NUTM2D: variants seen among roughly 807,000 people sequenced by gnomAD.
The protein encoded by NUTM2D is NUT family member 2A pseudogene.
Under a neutral mutation model 43.5 loss-of-function variants are expected in NUTM2D, and 2 were observed. The observed-to-expected ratio is 0.05, with a 90% CI of 0.02 to 0.14. The LOEUF (loss-of-function observed/expected upper bound fraction) is 0.14, where lower values mean the gene tolerates loss of function less well. Ranked by LOEUF, NUTM2D falls within the 10% of genes least tolerant of loss-of-function variation. The pLI, the probability that NUTM2D is intolerant of heterozygous loss-of-function variation, is 1.00. For synonymous variants in NUTM2D, 24 were observed against 276.6 expected (o/e 0.09, Z 9.06); for missense variants, 48 against 668.7 (o/e 0.07, Z 10.24).
chr10:87,358,564 A>G (rs2131727324), intron 1 of NUTM2D, 133 bp downstream of exon 1: 1 of 1,479,858 alleles, frequency 6.8e-7, no homozygotes, highest in Admixed American at 1.7e-5. Flanking sequence ...GATGTCCCCA[A>G]GGACATCACA....
At chr10:87,359,929 G>A (rs1245698349) in intron 1 of NUTM2D, among the ~76,000 whole-genome samples, 2 of 152,248 alleles carry the variant, frequency 1.3e-5, no homozygotes, top group Admixed American at 6.5e-5. Flanking sequence ...TTCCTAGGGC[G>A]CTGGCTTGGG....
At chr10:87,359,670 TCGC>T (rs1850245685) in intron 1 of NUTM2D, among the ~76,000 whole-genome samples, 1 of 136,956 alleles carries the variant, frequency 7.3e-6, no homozygotes, top group Non-Finnish European at 1.6e-5. Flanking sequence ...GCTCTGCTGC[TCGC>T]CATTTGCTGG....
chr10:87,359,878 A>G (rs1850247852), intron 1 of NUTM2D, among the ~76,000 whole-genome samples: 1 of 152,262 alleles, frequency 6.6e-6, no homozygotes, highest in African/African-American at 2.4e-5. Flanking sequence ...CAGGACAATC[A>G]CTTGCATGCT....
chr10:87,369,551 C>G (rs1215299690), downstream of NUTM2D: 1 of 152,120 alleles, frequency 6.6e-6, no homozygotes, highest in Admixed American at 6.6e-5. Context: ...GGAAACCGTG[C>G]ATCAGAGCCA....
rs193265057 is a variant in NUTM2D, at chr10:87,360,768, T to C, written c.454T>C (p.Leu152=). Residue 152 remains leucine, a synonymous_variant, in exon 2 of 7, where the codon TTA becomes CTA. Transcript: ENST00000381697. The part of the protein sequence containing the change: ...VKAAQAQTLV[L]TQTPLVWQAP... ...GGCCGCTCAGGCGCAGACCTTGGTC[T>C]TAACTCAGACCCCCCTCGTCTGGCA... 3.6e-4 allele frequency: 202 copies of C among 566,670 alleles called. 97 individuals are homozygous for C. Among genetic ancestry groups the C allele is most frequent in the Middle Eastern group, 2.4e-3 (4 of 1,692 alleles). 35.1% of individuals were successfully genotyped at this position (566,670 alleles called of 1,614,324 possible). A position where few individuals can be genotyped will look rare whatever the true frequency, so the allele number is the denominator to read the frequency against.
At chr10:87,367,363 C>T (rs762668052), downstream of NUTM2D, 7 of 1,606,998 alleles carry the variant, frequency 4.4e-6, no homozygotes, top group Non-Finnish European at 5.1e-6. Flanking sequence ...CAGGGACTGA[C>T]AGATGCTGAG....
At chr10:87,369,791 C>G (rs1424685676), downstream of NUTM2D, 1 of 151,314 alleles carries the variant, frequency 6.6e-6, no homozygotes, top group Non-Finnish European at 1.5e-5. Context: ...ACCCAGGTCA[C>G]TCTCTGGGAA....
chr10:87,370,260 A>G (rs541524349), downstream of NUTM2D: 11 of 152,280 alleles, frequency 7.2e-5, no homozygotes, highest in African/African-American at 2.2e-4. Context: ...CACTTCTAAG[A>G]ACATTTGTGT....
At chr10:87,365,400 GTC>G (rs1363720182) in intron 5 of NUTM2D, among the ~76,000 whole-genome samples, 197 bp downstream of exon 5, 12 of 149,852 alleles carry the variant, frequency 8.0e-5, no homozygotes, top group Admixed American at 7.3e-4. Context: ...GTCTTTGTGT[GTC>G]TGTGTGGGTG....
At position 87,360,675 on chromosome 10, in the gene NUTM2D, T is replaced by TG. The variant is rs1404911534; in HGVS notation, c.362dup (p.Cys121TrpfsTer78). The TG allele has an allele frequency of 2.5e-5, 13 of 515,330 alleles. 6 individuals carry two copies. Among genetic ancestry groups the TG allele is most frequent in the Non-Finnish European group, 3.3e-5 (13 of 390,570 alleles). 31.9% of individuals were successfully genotyped at this position (515,330 alleles called of 1,614,324 possible). ...ACCTCTGGTGACAGAACAGGATGGC[T>TG]GCGGCCCGAGTGGGGCCGGGGCTTC... On this transcript the variant is annotated frameshift_variant, in exon 2 of 7. Transcript: ENST00000381697. LOFTEE classifies it high-confidence loss of function.
chr10:87,369,689 G>T (rs574356778), downstream of NUTM2D: 1 of 151,364 alleles, frequency 6.6e-6, no homozygotes, highest in Admixed American at 6.6e-5. Flanking sequence ...TGATGTCATC[G>T]CATCCACACT....
Position 87,361,600 on chromosome 10 carries a change from A to T in NUTM2D, c.866+420A>T, listed in dbSNP as rs1850263034. ...GGAAGGAGCTGCAGGGCCCAGCAGG[A>T]ACCTGGCACATGCCCGCAGTTCCGC... is the stretch of plus-strand genomic sequence containing the variant. On this transcript the variant is annotated intron_variant, in intron 2 of 6. Transcript: ENST00000381697. Among the ~76,000 whole-genome samples, 2 of 52,856 alleles carry T rather than the reference A, an allele frequency of 3.8e-5. 1 individual carries two copies. Among genetic ancestry groups the T allele is most frequent in the Admixed American group, 4.9e-4 (2 of 4,084 alleles). The allele number at this position is 52,856 out of a possible 152,430, so 34.7% of individuals were successfully genotyped here.
At chr10:87,370,678 A>T (rs1454112449), downstream of NUTM2D, 1 of 152,206 alleles carries the variant, frequency 6.6e-6, no homozygotes, top group African/African-American at 2.4e-5. Context: ...TATATTCCAG[A>T]TAAAAATGCT....
chr10:87,358,348 G>T lies in NUTM2D; in HGVS notation c.83G>T (p.Gly28Val). The T allele has an allele frequency of 6.2e-7, 1 of 1,613,828 alleles. No homozygotes were observed. ...GASGEPGHSL[G>V]LTLGFSHCGN... is the part of the protein sequence containing the mutation. ...TCTGGTGAGCCAGGTCACTCTCTGG[G>T]TCTTACCCTTGGCTTTTCTCATTGT... Residue 28 changes from glycine to valine, a missense_variant, in exon 1 of 7, where the codon GGT becomes GTT. Coordinates refer to ENST00000381697, the MANE Select transcript of NUTM2D (RefSeq NM_001382304.1).
At chr10:87,369,735 G>A (rs1448702441), downstream of NUTM2D, 2 of 149,744 alleles carry the variant, frequency 1.3e-5, no homozygotes, top group African/African-American at 2.5e-5. Context: ...AGCAGGTGCT[G>A]GGGGTGTGCT....
At position 87,358,412 on chromosome 10, in the gene NUTM2D, G is replaced by A. The variant is rs1850237976; in HGVS notation, c.147G>A (p.Glu49=). ...CAGCGGTAGTCAGTGCCCAGCCTGAGGGGATGGCTTCAAATGGAGGTAAGC... is the reference window on the plus strand; with the variant it reads ...CAGCGGTAGTCAGTGCCCAGCCTGAAGGGATGGCTTCAAATGGAGGTAAGC... The part of the protein sequence containing the change: ...CQTAVVSAQP[E]GMASNGAYPA... Residue 49 remains glutamate (E), a synonymous_variant, in exon 1 of 7, where the codon GAG becomes GAA. Transcript: ENST00000381697. 1.9e-6 allele frequency: 3 copies of A among 1,614,034 alleles called. No individual in the cohort carries two copies. The highest frequency in any genetic ancestry group is 1.7e-5 in the Admixed American group (1 of 60,034).
At chr10:87,369,355 G>C (rs558240138), downstream of NUTM2D, 4 of 152,142 alleles carry the variant, frequency 2.6e-5, no homozygotes, top group East Asian at 5.8e-4. Flanking sequence ...GCCAGAGAGA[G>C]AGCCCTCACC....
rs1434817953 is a variant in NUTM2D, at chr10:87,365,202, A to G, written c.1517A>G (p.Lys506Arg). The change falls in exon 5 of 7, where the codon AAG (lysine) becomes AGG (arginine). Residue 506 changes from lysine to arginine, a missense_variant and splice_region_variant. Transcript: ENST00000381697. The stretch of plus-strand genomic sequence containing the variant: ...TGTTCCCAGAAAGACTTCGTCACCA[A>G]GGTGGGCTGGCCTGGAGTGCTGGGG... ...KLCSQKDFVT[K>R]VEAVIHPQFL... 2 of 1,469,056 alleles carry G rather than the reference A, an allele frequency of 1.4e-6. No homozygotes were observed. Among genetic ancestry groups the G allele is most frequent in the Non-Finnish European group, 1.8e-6 (2 of 1,090,838 alleles). 91.0% of individuals were successfully genotyped at this position (1,469,056 alleles called of 1,614,324 possible).
At position 87,361,323 on chromosome 10, in the gene NUTM2D, A is replaced by G. The variant is rs1247867846; in HGVS notation, c.866+143A>G. The G allele has an allele frequency of 4.9e-5, 11 of 225,544 alleles. 5 individuals carry two copies. The highest frequency in any genetic ancestry group is 8.4e-5 in the African/African-American group (2 of 23,892). 14.0% of individuals were successfully genotyped at this position (225,544 alleles called of 1,614,324 possible). A position where few individuals can be genotyped will look rare whatever the true frequency, so the allele number is the denominator to read the frequency against. ...CTGCACTATGGGAAGGTACATTTTCAACAATATTAATCTGGCTGCGGCTCA... is the reference window on the plus strand; with the variant it reads ...CTGCACTATGGGAAGGTACATTTTCGACAATATTAATCTGGCTGCGGCTCA... On this transcript the variant is annotated intron_variant, in intron 2 of 6. Coordinates refer to ENST00000381697, the MANE Select transcript of NUTM2D (RefSeq NM_001382304.1).
Sources: allele counts gnomAD v4.1 joint callset (sites outside exome capture counted in the v4.1 genomes callset), GRCh38; gene constraint gnomAD v4.1.1; transcripts MANE v1.5; gene names NCBI Gene and HGNC (gene_info 2026-07-23, HGNC 2026-07-21).